LRRC4C: variants seen among roughly 807,000 people sequenced by gnomAD.
LRRC4C encodes the protein leucine-rich repeat-containing protein 4C.
A neutral mutation model predicts 33.6 loss-of-function variants in LRRC4C; 5 were observed. That is an observed-to-expected ratio of 0.15 (90% CI 0.08 to 0.31). The LOEUF (loss-of-function observed/expected upper bound fraction) is 0.31. Among genes scored for constraint, LRRC4C ranks in the 10% least tolerant of loss-of-function variants. The pLI, the probability that LRRC4C is intolerant of heterozygous loss-of-function variation, is 1.00. For missense variants in LRRC4C, 560 were observed against 796.7 expected (o/e 0.70, Z 3.58); for synonymous variants, 329 against 302.0 (o/e 1.09, Z -0.93).
intron 5 of LRRC4C, among the ~76,000 whole-genome samples, chr11:40,200,787 A>AAAGAAG (rs1862682225): frequency 7.2e-6 from 1 of 139,556 alleles, no homozygotes; most frequent in Non-Finnish European, 1.6e-5. Flanking sequence ...AAAAAAAAAA[A>AAAGAAG]AGAAAAGAAA....
intron 3 of LRRC4C, among the ~76,000 whole-genome samples, chr11:40,343,711 G>GA (rs5791374): frequency 0.28 from 28,947 of 104,440 alleles, 4,646 homozygotes; most frequent in Admixed American, 0.35. Flanking sequence ...TTGTTTTTTT[G>GA]AAAAAAAAAA....
At chr11:40,914,469 C>T (rs116778927) in intron 2 of LRRC4C, among the ~76,000 whole-genome samples, 2,022 of 152,242 alleles carry the variant, frequency 0.013, 52 homozygotes, top group African/African-American at 0.047. Context: ...TCAATAGGTG[C>T]AGACAAGGCC....
chr11:40,619,752 A>T (rs1236462813), intron 3 of LRRC4C, among the ~76,000 whole-genome samples: 1 of 151,454 alleles, frequency 6.6e-6, no homozygotes, highest in East Asian at 1.9e-4. Context: ...ACAGAAATGT[A>T]CATTTCTCAG....
At position 40,941,234 on chromosome 11, in the gene LRRC4C, A is replaced by G. The variant is rs535039178; in HGVS notation, c.-495-7511T>C. Among the ~76,000 whole-genome samples the G allele has an allele frequency of 1.4e-4, 21 of 152,306 alleles. No individual in the cohort carries two copies. In the East Asian group the frequency reaches 4.0e-3, roughly 29 times the overall value. ...TCATGATAATTTTATTACTATGCAG[A>G]TTAAAACAGGTTTGTAATGGCTTTA... On this transcript the variant is annotated intron_variant, in intron 1 of 6. Transcript: ENST00000528697.
chr11:40,683,661 G>C (rs974402279), intron 2 of LRRC4C, among the ~76,000 whole-genome samples: 1 of 152,168 alleles, frequency 6.6e-6, no homozygotes, highest in African/African-American at 2.4e-5. Context: ...GGAGGAAGTA[G>C]ATATGTATTT....
chr11:40,922,662 T>C (rs879745653), intron 2 of LRRC4C, among the ~76,000 whole-genome samples: 8 of 152,206 alleles, frequency 5.3e-5, no homozygotes, highest in Non-Finnish European at 1.2e-4. Context: ...TCAATAACTT[T>C]ATACTCTTCT....
intron 1 of LRRC4C, among the ~76,000 whole-genome samples, chr11:41,212,815 C>A (rs368614025): frequency 6.6e-6 from 1 of 152,158 alleles, no homozygotes; most frequent in Admixed American, 6.5e-5. Flanking sequence ...GCATAGTATT[C>A]CATGGTGTAT....
intron 2 of LRRC4C, among the ~76,000 whole-genome samples, chr11:40,908,292 T>G (rs192125502): frequency 6.6e-6 from 1 of 152,208 alleles, no homozygotes; most frequent in East Asian, 1.9e-4. Context: ...AAAGTACATG[T>G]AGACATAATG....
intron 5 of LRRC4C, among the ~76,000 whole-genome samples, chr11:40,211,576 A>C (rs990841969): frequency 1.3e-5 from 2 of 152,220 alleles, no homozygotes; most frequent in African/African-American, 4.8e-5. Flanking sequence ...CATTGTGTCC[A>C]AAGGTCATAT....
chr11:40,551,511 C>T (rs1188873332), intron 3 of LRRC4C, among the ~76,000 whole-genome samples: 4 of 152,020 alleles, frequency 2.6e-5, no homozygotes, highest in Non-Finnish European at 5.9e-5. Context: ...GATCCCTACC[C>T]GGGACTCCAT....
chr11:41,043,949 G>C (rs1482615083), intron 1 of LRRC4C, among the ~76,000 whole-genome samples: 1 of 151,736 alleles, frequency 6.6e-6, no homozygotes, highest in Non-Finnish European at 1.5e-5. Flanking sequence ...CATTGAAAGA[G>C]AGGTAAAGTG....
At chr11:40,293,875 C>T (rs1330334611) in intron 4 of LRRC4C, 1 of 152,470 alleles carries the variant, frequency 6.6e-6, no homozygotes, top group Non-Finnish European at 1.5e-5. Context: ...TGGCTCACGG[C>T]TCCCTGCGCG....
intron 3 of LRRC4C, among the ~76,000 whole-genome samples, chr11:40,638,392 C>A (rs1372531176): frequency 6.6e-6 from 1 of 152,172 alleles, no homozygotes; most frequent in African/African-American, 2.4e-5. Context: ...GAATTACTGA[C>A]TTCTGTTCCA....
intron 1 of LRRC4C, among the ~76,000 whole-genome samples, chr11:41,405,254 T>C (rs891725707): frequency 6.6e-6 from 1 of 152,196 alleles, no homozygotes; most frequent in African/African-American, 2.4e-5. Flanking sequence ...CTCCAGAATA[T>C]ACATTTCATA....
intron 1 of LRRC4C, among the ~76,000 whole-genome samples, chr11:40,964,482 T>C (rs1851196932): frequency 6.6e-6 from 1 of 151,272 alleles, no homozygotes. Context: ...AACTCGTCAT[T>C]TAGCATTAGG....
intron 1 of LRRC4C, among the ~76,000 whole-genome samples, chr11:41,123,761 A>G (rs1473858064): frequency 6.6e-6 from 1 of 152,132 alleles, no homozygotes; most frequent in Admixed American, 6.6e-5. Flanking sequence ...TCTTTAAAAC[A>G]TTGTGCCTAT....
chr11:41,286,405 A>G (rs1476850556), intron 1 of LRRC4C, among the ~76,000 whole-genome samples: 2 of 152,284 alleles, frequency 1.3e-5, no homozygotes, highest in African/African-American at 4.8e-5. Flanking sequence ...ATTTATTTTT[A>G]TACTTGAAGA....
intron 3 of LRRC4C, among the ~76,000 whole-genome samples, chr11:40,614,741 A>G (rs1005974193): frequency 6.6e-6 from 1 of 151,630 alleles, no homozygotes; most frequent in Non-Finnish European, 1.5e-5. Flanking sequence ...CTGTAGGGTT[A>G]TTAACTATCT....
intron 1 of LRRC4C, among the ~76,000 whole-genome samples, chr11:41,059,212 T>TGTTTTTTG (rs1555056823): frequency 2.1e-5 from 3 of 145,012 alleles, no homozygotes; most frequent in Admixed American, 6.9e-5. Context: ...AAATAAAAGT[T>TGTTTTTTG]TTTTTTTTTT....
Sources: gnomAD v4.1 joint callset for allele counts (sites outside exome capture counted in the v4.1 genomes callset) on GRCh38, gnomAD v4.1.1 for gene constraint, MANE v1.5 for transcripts, NCBI Gene and HGNC (gene_info 2026-07-23, HGNC 2026-07-21) for gene names.